AMOT: variants seen among roughly 807,000 people sequenced by gnomAD.
AMOT encodes angiomotin.
Under a neutral mutation model 67.0 loss-of-function variants are expected in AMOT, and 11 were observed. The ratio of observed to expected loss-of-function variants is 0.16; its 90% CI spans 0.10 to 0.27. AMOT has a LOEUF of 0.27. Ranked by LOEUF, AMOT falls within the 10% of genes least tolerant of loss-of-function variation. AMOT has a pLI of 1.00. For synonymous variants in AMOT, 326 were observed against 321.4 expected (o/e 1.01, Z -0.15); for missense variants, 753 against 852.0 (o/e 0.88, Z 1.45).
At chrX:112,830,500 G>A (rs1215744996) in intron 2 of AMOT, among the ~76,000 whole-genome samples, 1 of 112,335 alleles carries the variant, frequency 8.9e-6, no homozygotes, top group Non-Finnish European at 1.9e-5. Context: ...AAACTGATGG[G>A]TCAAGAAGCA....
At chrX:112,792,187 G>A (rs898759144) in intron 8 of AMOT, among the ~76,000 whole-genome samples, 4 of 112,134 alleles carry the variant, frequency 3.6e-5, no homozygotes, top group South Asian at 3.7e-4. Context: ...TGAAGGAATC[G>A]AGAATACCTT....
intron 10 of AMOT, among the ~76,000 whole-genome samples, chrX:112,788,265 G>A (rs1334120953): frequency 3.7e-5 from 4 of 107,533 alleles, no homozygotes; most frequent in Non-Finnish European, 5.8e-5. Context: ...CTCCAGCCTG[G>A]GCAACAGAGC....
chrX:112,822,416 G>A lies in AMOT; in HGVS notation c.711C>T (p.Gly237=). 1 of 1,167,796 alleles carries A rather than the reference G, an allele frequency of 8.6e-7. No homozygotes were observed. The highest frequency in any genetic ancestry group is 1.1e-6 in the Non-Finnish European group (1 of 873,057). ...CCTTGAAGGGATATTCTGGTGGGGG[G>A]CCTCGGTGTTCCATGCCCTTCAGGC... ...QHSLKGMEHR[G]PPPEYPFKGM... Residue 237 remains glycine, a synonymous_variant, in exon 4 of 14, where the codon GGC becomes GGT. Transcript: ENST00000371959.
chrX:112,823,965 A>T (rs1352311912), intron 3 of AMOT, among the ~76,000 whole-genome samples: 1 of 111,841 alleles, frequency 8.9e-6, no homozygotes, highest in African/African-American at 3.3e-5. Flanking sequence ...CAAAATTTAG[A>T]AATTGAAAAA....
rs774530470 is a variant in AMOT, at chrX:112,775,532, T to C, written c.*3035A>G. 1.8e-5 allele frequency: 2 copies of C among 112,311 alleles called. No homozygotes were observed. The highest frequency in any genetic ancestry group is 7.5e-4 in the South Asian group (2 of 2,675). 9.3% of individuals were successfully genotyped at this position (112,311 alleles called of 1,213,427 possible). On this transcript the variant is annotated 3_prime_UTR_variant, in exon 14 of 14. Transcript: ENST00000371959. The stretch of plus-strand genomic sequence containing the variant: ...ACAAAAAGAGAACATGATGGGTCTC[T>C]GGGTATCTTTCCTATGGCAGATGAT...
chrX:112,823,366 A>G (rs1229273328), intron 3 of AMOT, among the ~76,000 whole-genome samples, 178 bp from the exon 4 acceptor site: 2 of 111,994 alleles, frequency 1.8e-5, no homozygotes, highest in East Asian at 5.6e-4. Flanking sequence ...GATGAAGAAC[A>G]TGGAGGCATA....
Position 112,815,793 on chromosome X carries a change from G to C in AMOT, c.957C>G (p.Ser319=), listed in dbSNP as rs1030407131. 4 of 1,165,100 alleles carry C rather than the reference G, an allele frequency of 3.4e-6. No individual in the cohort carries two copies. The highest frequency in any genetic ancestry group is 4.6e-6 in the Non-Finnish European group (4 of 872,595). ...SPTSSLTSGG[S]LPLLQSPPST... ...ATGGTGGAGATTGTAGCAAGGGCAA[G>C]GACCCCCCAGAGGTCAGAGAAGAAG... Residue 319 remains serine, a synonymous_variant, in exon 5 of 14, where the codon TCC becomes TCG. Coordinates refer to ENST00000371959, the MANE Select transcript of AMOT (RefSeq NM_001113490.2).
At chrX:112,798,212 T>C (rs947377416) in intron 8 of AMOT, among the ~76,000 whole-genome samples, 4 of 112,525 alleles carry the variant, frequency 3.6e-5, no homozygotes, top group Non-Finnish European at 7.5e-5. Flanking sequence ...ATTGGTCTGA[T>C]CATTTCTTAT....
At chrX:112,831,816 A>G (rs1449510788) in intron 2 of AMOT, among the ~76,000 whole-genome samples, 2 of 96,921 alleles carry the variant, frequency 2.1e-5, no homozygotes, top group Non-Finnish European at 1.9e-5. Flanking sequence ...GAAACTAAAC[A>G]TGGACTTCTG....
At chrX:112,786,581 A>AT (rs1933369424) in intron 10 of AMOT, among the ~76,000 whole-genome samples, 1 of 112,113 alleles carries the variant, frequency 8.9e-6, no homozygotes, top group Non-Finnish European at 1.9e-5. Context: ...TTCAGGCCAT[A>AT]TTATTGTGAT....
At chrX:112,795,963 C>T (rs1240916868) in intron 8 of AMOT, among the ~76,000 whole-genome samples, 1 of 110,024 alleles carries the variant, frequency 9.1e-6, no homozygotes, top group Non-Finnish European at 1.9e-5. Flanking sequence ...TAATATTTCA[C>T]CCCTCACTGC....
chrX:112,818,766 T>C (rs2147818350), intron 4 of AMOT, among the ~76,000 whole-genome samples: 2 of 111,055 alleles, frequency 1.8e-5, no homozygotes, highest in South Asian at 7.8e-4. Flanking sequence ...GTAATGACAG[T>C]AATAATAAAG....
At chrX:112,782,775 C>T (rs1189704899) in intron 10 of AMOT, 113 bp from the exon 11 acceptor site, 2 of 945,670 alleles carry the variant, frequency 2.1e-6, no homozygotes, top group Non-Finnish European at 2.9e-6. Context: ...AAATCAAGCA[C>T]ATTTGGAACA....
intron 5 of AMOT, among the ~76,000 whole-genome samples, chrX:112,813,803 T>C (rs1433360704): frequency 2.8e-4 from 31 of 111,722 alleles, no homozygotes. Flanking sequence ...GTTTCTAGTG[T>C]ATGGATATAA....
intron 10 of AMOT, among the ~76,000 whole-genome samples, chrX:112,784,451 G>A (rs1225724760): frequency 1.8e-5 from 2 of 112,268 alleles, no homozygotes; most frequent in African/African-American, 6.5e-5. Flanking sequence ...ACTCAACAAA[G>A]CTATTATTAA....
At chrX:112,795,173 A>C (rs753181065) in intron 8 of AMOT, among the ~76,000 whole-genome samples, 1 of 111,174 alleles carries the variant, frequency 9.0e-6, no homozygotes, top group South Asian at 3.9e-4. Flanking sequence ...ATTTAACTAA[A>C]GACCCCTAGG....
chrX:112,819,428 T>C, intron 4 of AMOT: 1 of 752,057 alleles, frequency 1.3e-6, no homozygotes, highest in Non-Finnish European at 1.6e-6. Flanking sequence ...CAACCAGCTC[T>C]GCTCTGAACT....
chrX:112,817,712 T>C (rs1934605509), intron 4 of AMOT, among the ~76,000 whole-genome samples: 1 of 112,045 alleles, frequency 8.9e-6, no homozygotes, highest in Admixed American at 9.5e-5. Flanking sequence ...TTATAAATAA[T>C]TGCTGAATAT....
chrX:112,820,884 T>C (rs779552470), intron 4 of AMOT, among the ~76,000 whole-genome samples: 3 of 107,171 alleles, frequency 2.8e-5, no homozygotes, highest in Non-Finnish European at 3.8e-5. Flanking sequence ...GATCAGAACA[T>C]AGGCTCCTGC....
Sources: allele counts gnomAD v4.1 joint callset (sites outside exome capture counted in the v4.1 genomes callset), GRCh38; gene constraint gnomAD v4.1.1; transcripts MANE v1.5; gene names NCBI Gene and HGNC (gene_info 2026-07-23, HGNC 2026-07-21).